Variants in TBX21 observed in about 807,000 individuals in gnomAD.
TBX21 encodes the protein T-box transcription factor TBX21.
Under a neutral mutation model 52.2 loss-of-function variants are expected in TBX21, and 11 were observed. The ratio of observed to expected loss-of-function variants is 0.21; its 90% confidence interval spans 0.13 to 0.35. The LOEUF (loss-of-function observed/expected upper bound fraction) is 0.35. Among genes scored for constraint, TBX21 ranks in the 10% least tolerant of loss-of-function variants. The pLI, the probability that TBX21 is intolerant of heterozygous loss-of-function variation, is 1.00. For missense variants in TBX21, 625 were observed against 755.1 expected, an observed-to-expected ratio of 0.83 and a Z score of 2.02; for synonymous variants, 300 against 316.1, an observed-to-expected ratio of 0.95 and a Z score of 0.54.
Position 47,733,593 on chromosome 17 carries a change from G to A in TBX21, c.139G>A (p.Glu47Lys), listed in dbSNP as rs769836461. The part of the protein sequence containing the change: ...YPEPGAQDAD[E>K]RRGGGSLGSP... ...GGAGCCGGGCGCGCAGGACGCGGACGAGCGTCGCGGGGGCGGCAGCCTGGG... is the reference window on the plus strand; with the variant it reads ...GGAGCCGGGCGCGCAGGACGCGGACAAGCGTCGCGGGGGCGGCAGCCTGGG... The change falls in exon 1 of 6, where the codon GAG becomes AAG. Residue 47 changes from glutamate (E) to lysine (K), a missense_variant. Around this residue, in one of 4 missense-constraint regions of TBX21, gnomAD observed 221 missense variants for 204.9 expected, o/e 1.08. Coordinates refer to ENST00000177694, the MANE Select transcript of TBX21 (RefSeq NM_013351.2). The surrounding 1 kb of genome is among the most constrained non-coding windows in gnomAD (Gnocchi z 6.6). 1.4e-6 allele frequency: 2 copies of A among 1,455,444 alleles called. No individual in the cohort carries two copies. The highest frequency in any genetic ancestry group is 1.8e-6 in the Non-Finnish European group (2 of 1,112,204). The allele number at this position is 1,455,444 out of a possible 1,614,324, so 90.2% of individuals were successfully genotyped here.
In TBX21 at chr17:47,744,929, C is replaced by G. The variant is rs778987598; in HGVS notation, c.1171C>G (p.Arg391Gly). Reference sequence around the variant, plus strand: ...CCAGGCTTACTGGCTGGGGGCCCCCCGGGACCACAGCTATGAGGCTGAGTT... The same window carrying G: ...CCAGGCTTACTGGCTGGGGGCCCCCGGGGACCACAGCTATGAGGCTGAGTT... ...VPQAYWLGAP[R>G]DHSYEAEFRA... Residue 391 changes from arginine (R) to glycine (G), a missense_variant, in exon 6 of 6, where the codon CGG becomes GGG. Transcript: ENST00000177694. 3 of 1,614,136 alleles carry G rather than the reference C, an allele frequency of 1.9e-6. No homozygotes were observed. Among genetic ancestry groups the G allele is most frequent in the Non-Finnish European group, 2.5e-6 (3 of 1,180,016 alleles).
intron 1 of TBX21, among the ~76,000 whole-genome samples, chr17:47,734,772 T>A (rs1362951191): frequency 2.6e-5 from 4 of 151,262 alleles, no homozygotes; most frequent in Admixed American, 6.6e-5. Context: ...GCTGGTCCAG[T>A]GAAAACCTTC....
At position 47,733,559 on chromosome 17, in the gene TBX21, C is replaced by T; in HGVS notation, c.105C>T (p.Tyr35=). ...CTGGCGCCGACCCGCAGCACCGCTACTTCTACCCGGAGCCGGGCGCGCAGG... is the reference window on the plus strand; with the variant it reads ...CTGGCGCCGACCCGCAGCACCGCTATTTCTACCCGGAGCCGGGCGCGCAGG... ...RAPGADPQHR[Y]FYPEPGAQDA... Residue 35 remains tyrosine, a synonymous_variant, in exon 1 of 6, where the codon TAC becomes TAT. Coordinates refer to ENST00000177694, the MANE Select transcript of TBX21 (RefSeq NM_013351.2). The surrounding 1 kb of genome is among the most constrained non-coding windows in gnomAD (Gnocchi z 6.6). The T allele has an allele frequency of 4.1e-6, 6 of 1,481,230 alleles. No homozygotes were observed. The highest frequency in any genetic ancestry group is 5.3e-6 in the Non-Finnish European group (6 of 1,123,050). The allele number at this position is 1,481,230 out of a possible 1,614,324, so 91.8% of individuals were successfully genotyped here. A position where few individuals can be genotyped will look rare whatever the true frequency, so the allele number is the denominator to read the frequency against.
chr17:47,737,478 T>C (rs1305450712), intron 1 of TBX21, among the ~76,000 whole-genome samples: 2 of 152,200 alleles, frequency 1.3e-5, no homozygotes, highest in Admixed American at 6.5e-5. Flanking sequence ...TCCCACACTA[T>C]CCTTGCTATC....
At chr17:47,741,170 G>A (rs1438330357) in intron 1 of TBX21, among the ~76,000 whole-genome samples, 4 of 152,132 alleles carry the variant, frequency 2.6e-5, no homozygotes, top group African/African-American at 9.7e-5. Context: ...CGGTACTACT[G>A]GTGGTGGTTG....
chr17:47,744,265 C>G lies in TBX21; in HGVS notation c.839C>G (p.Pro280Arg), dbSNP rs1567921523. Reference sequence around the variant, plus strand: ...ATCGTTGAGGTGAACGACGGAGAGCCAGAGGCAGCCTGCAACGCTTCCAAC... The same window carrying G: ...ATCGTTGAGGTGAACGACGGAGAGCGAGAGGCAGCCTGCAACGCTTCCAAC... ...LHIVEVNDGE[P>R]EAACNASNTH... Residue 280 changes from proline to arginine, a missense_variant, in exon 4 of 6, where the codon CCA becomes CGA. By Grantham distance (103) the Pro-to-Arg change is moderately radical (BLOSUM62 -2). Coordinates refer to ENST00000177694, the MANE Select transcript of TBX21 (RefSeq NM_013351.2). The G allele has an allele frequency of 6.2e-7, 1 of 1,614,212 alleles. No homozygotes were observed. The highest frequency in any genetic ancestry group is 8.5e-7 in the Non-Finnish European group (1 of 1,180,046).
At position 47,734,554 on chromosome 17, in the gene TBX21, GGTGTGTGTGTGTGTGTGTGTGTGTGT is replaced by G. The variant is rs55690005; in HGVS notation, c.491+640_491+665del. On this transcript the variant is annotated intron_variant, in intron 1 of 5. Coordinates refer to ENST00000177694, the MANE Select transcript of TBX21 (RefSeq NM_013351.2). ...GGTCTTACTTTGAGATCATATGTCT[GGTGTGTGTGTGTGTGTGTGTGTGTGT>G]GTGTGTGTGTGTGTGTGTGTGTGTG... Among the ~76,000 whole-genome samples, 3 of 102,938 alleles carry G rather than the reference GGTGTGTGTGTGTGTGTGTGTGTGTGT, an allele frequency of 2.9e-5. 1 individual carries two copies. The highest frequency in any genetic ancestry group is 6.0e-4 in the East Asian group (2 of 3,354). 67.5% of individuals were successfully genotyped at this position (102,938 alleles called of 152,430 possible).
chr17:47,737,961 T>C (rs1479437290), intron 1 of TBX21, among the ~76,000 whole-genome samples: 2 of 152,088 alleles, frequency 1.3e-5, no homozygotes, highest in African/African-American at 4.8e-5. Context: ...TTTTAATTTA[T>C]TTTTTATGGA....
Position 47,745,592 on chromosome 17 carries a change from C to A in TBX21, c.*226C>A. 3.8e-6 allele frequency: 2 copies of A among 530,336 alleles called. No homozygotes were observed. The highest frequency in any genetic ancestry group is 6.4e-6 in the Non-Finnish European group (2 of 311,818). The allele number at this position is 530,336 out of a possible 1,614,324, so 32.9% of individuals were successfully genotyped here. On this transcript the variant is annotated 3_prime_UTR_variant, in exon 6 of 6. Transcript: ENST00000177694. ...GTGTCCCCTTGCCCCATCCTCTGCC[C>A]TAACTACAGTCGTTTACCTGGTGCT...
Position 47,739,786 on chromosome 17 carries a change from G to A in TBX21, c.492-2824G>A, listed in dbSNP as rs189806562. Among the ~76,000 whole-genome samples, 391 of 149,416 alleles carry A rather than the reference G, an allele frequency of 2.6e-3. 2 individuals carry two copies. Among genetic ancestry groups the A allele is most frequent in the African/African-American group, 9.2e-3 (374 of 40,702 alleles). ...CAAAAAAAAAAAAAAAATTAGCCAG[G>A]CGCAGTGTTGGGTGCCTGTAGTCAA... is the stretch of plus-strand genomic sequence containing the variant. On this transcript the variant is annotated intron_variant, in intron 1 of 5. Coordinates refer to ENST00000177694, the MANE Select transcript of TBX21 (RefSeq NM_013351.2).
chr17:47,735,552 A>T (rs1228986465), intron 1 of TBX21, among the ~76,000 whole-genome samples: 3 of 152,152 alleles, frequency 2.0e-5, no homozygotes. Flanking sequence ...AGACTCTTCC[A>T]AGGTCACACA....
chr17:47,740,957 ACT>A (rs1193287903), intron 1 of TBX21, among the ~76,000 whole-genome samples: 1 of 152,102 alleles, frequency 6.6e-6, no homozygotes. Context: ...AGGTTTCCTG[ACT>A]CAGATAGGTC....
chr17:47,733,505 G>A lies in TBX21; in HGVS notation c.51G>A (p.Pro17=), dbSNP rs541474307. Residue 17 remains proline, a synonymous_variant, in exon 1 of 6, where the codon CCG becomes CCA. Transcript: ENST00000177694. This position sits in a 1 kb window ranked among gnomAD's most constrained non-coding sequence, Gnocchi z 6.6. ...GCGDMLTGTE[P]MPGSDEGRAP... ...GAGACATGCTGACGGGCACCGAGCC[G>A]ATGCCGGGGAGCGACGAGGGCCGGG... 4.7e-6 allele frequency: 7 copies of A among 1,494,992 alleles called. No individual in the cohort carries two copies. The highest frequency in any genetic ancestry group is 1.5e-5 in the African/African-American group (1 of 68,578). 92.6% of individuals were successfully genotyped at this position (1,494,992 alleles called of 1,614,324 possible).
In TBX21 at chr17:47,744,818, CACT is replaced by C. The variant is rs1248222431; in HGVS notation, c.1064_1066del (p.Tyr355del). 6.2e-7 allele frequency: 1 copy of C among 1,614,190 alleles called. No individual in the cohort carries two copies. Among genetic ancestry groups the C allele is most frequent in the Non-Finnish European group, 8.5e-7 (1 of 1,180,020 alleles). On this transcript the variant is annotated inframe_deletion, in exon 6 of 6. Coordinates refer to ENST00000177694, the MANE Select transcript of TBX21 (RefSeq NM_013351.2). ...CAACTGTCAATTCCTTGGGGGAGATCACTACTCTCCTCTCCTACCCAACCAGTA... is the reference window on the plus strand; with the variant it reads ...CAACTGTCAATTCCTTGGGGGAGATCACTCTCCTCTCCTACCCAACCAGTA...
At chr17:47,734,241 G>T (rs2032177086) in intron 1 of TBX21, among the ~76,000 whole-genome samples, 1 of 152,122 alleles carries the variant, frequency 6.6e-6, no homozygotes, top group Non-Finnish European at 1.5e-5. Context: ...CCTAGAATTG[G>T]TGTGCGCCCC....
chr17:47,734,545 C>T (rs2032180726), intron 1 of TBX21, among the ~76,000 whole-genome samples: 1 of 131,746 alleles, frequency 7.6e-6, no homozygotes, highest in African/African-American at 3.0e-5. Context: ...ACTTTGAGAT[C>T]ATATGTCTGG....
intron 1 of TBX21, among the ~76,000 whole-genome samples, chr17:47,734,680 G>A (rs1272307307): frequency 6.7e-6 from 1 of 148,920 alleles, no homozygotes; most frequent in Non-Finnish European, 1.5e-5. Flanking sequence ...ATCCCTTCCA[G>A]GCACAAATGC....
Position 47,745,095 on chromosome 17 carries a change from G to A in TBX21, c.1337G>A (p.Ser446Asn), listed in dbSNP as rs2032316007. 6.2e-7 allele frequency: 1 copy of A among 1,613,870 alleles called. No individual in the cohort carries two copies. Among genetic ancestry groups the A allele is most frequent in the Admixed American group, 1.7e-5 (1 of 60,030 alleles). The change falls in exon 6 of 6, where the codon AGC becomes AAC. Residue 446 changes from serine to asparagine, a missense_variant. Ser to Asn is a conservative substitution (Grantham distance 46). Around this residue, in one of 4 missense-constraint regions of TBX21, gnomAD observed 261 missense variants for 275.1 expected, o/e 0.95. Coordinates refer to ENST00000177694, the MANE Select transcript of TBX21 (RefSeq NM_013351.2). ...TACCCTCCCAAGATGGGCCCGGCCAGCTGGTTCCGCCCTATGCGGACTCTG... is the reference window on the plus strand; with the variant it reads ...TACCCTCCCAAGATGGGCCCGGCCAACTGGTTCCGCCCTATGCGGACTCTG... ...PQYPPKMGPA[S>N]WFRPMRTLPM... is the part of the protein sequence containing the mutation.
rs958027984 is a variant in TBX21 at position 47,742,813 on chromosome 17, G to A, written c.646+49G>A. 2.6e-6 allele frequency: 4 copies of A among 1,519,084 alleles called. No individual in the cohort carries two copies. Among genetic ancestry groups the A allele is most frequent in the East Asian group, 2.5e-5 (1 of 40,714 alleles). 94.1% of individuals were successfully genotyped at this position (1,519,084 alleles called of 1,614,324 possible). A position where few individuals can be genotyped will look rare whatever the true frequency, so the allele number is the denominator to read the frequency against. On this transcript the variant is annotated intron_variant, in intron 2 of 5. Transcript: ENST00000177694. This position sits in a 1 kb window ranked among gnomAD's most constrained non-coding sequence, Gnocchi z 4.4. ...GGGCTCTGTTTCGCTGGGACTGGGC[G>A]CCCCCTGGTGGGCCCACCAAGCCCC...
Sources: allele counts gnomAD v4.1 joint callset (sites outside exome capture counted in the v4.1 genomes callset), GRCh38; gene constraint gnomAD v4.1.1; regional missense constraint gnomAD v4.1.1; non-coding constraint Gnocchi (gnomAD v3.1); transcripts MANE v1.5; gene names NCBI Gene and HGNC (gene_info 2026-07-23, HGNC 2026-07-21).